TRAPPC9: variants seen among roughly 807,000 people sequenced by gnomAD.
TRAPPC9 encodes the protein trafficking protein particle complex subunit 9, also known as IKK2 binding protein.
In TRAPPC9, 83 loss-of-function variants were observed where a neutral mutation model predicts 124.0. That is an observed-to-expected ratio of 0.67 (90% CI 0.56 to 0.80). TRAPPC9 has a LOEUF of 0.80. Among genes scored for constraint, TRAPPC9 ranks in the 30% least tolerant of loss-of-function variants. The pLI, the probability that TRAPPC9 is intolerant of heterozygous loss-of-function variation, is 0.00. For missense variants in TRAPPC9, 1,302 were observed against 1,508.3 expected (o/e 0.86, Z 2.27); for synonymous variants, 638 against 617.5 (o/e 1.03, Z -0.49).
Position 140,165,446 on chromosome 8 carries a change from G to A in TRAPPC9, c.2556+56013C>T, listed in dbSNP as rs1222352189. Among the ~76,000 whole-genome samples, 4 of 151,568 alleles carry A rather than the reference G, an allele frequency of 2.6e-5. No homozygotes were observed. In the South Asian group the frequency reaches 8.4e-4, roughly 32 times the overall value. On this transcript the variant is annotated intron_variant, in intron 17 of 22. Coordinates refer to ENST00000438773, the MANE Select transcript of TRAPPC9 (RefSeq NM_001160372.4). ...CCCAGCTACTCGGGAGGTTGAGGCA[G>A]GAGAATCACTTGAACCTGGGAGATG... is the stretch of plus-strand genomic sequence containing the variant.
At chr8:140,287,811 A>G in intron 12 of TRAPPC9, 77 bp from the exon 13 acceptor site, 2 of 1,591,900 alleles carry the variant, frequency 1.3e-6, no homozygotes, top group South Asian at 1.1e-5. Flanking sequence ...GCCTTAAGAC[A>G]TTGGCTATGG....
At chr8:139,866,287 C>A (rs1828532221) in intron 21 of TRAPPC9, among the ~76,000 whole-genome samples, 1 of 152,202 alleles carries the variant, frequency 6.6e-6, no homozygotes, top group Admixed American at 6.5e-5. Context: ...ATGGCCTGAA[C>A]CTGTCTCTCA....
At chr8:139,798,220 T>A (rs1823238366) in intron 21 of TRAPPC9, among the ~76,000 whole-genome samples, 2 of 152,266 alleles carry the variant, frequency 1.3e-5, no homozygotes, top group African/African-American at 4.8e-5. Flanking sequence ...CATGCTATGC[T>A]CTTTTTATGT....
At chr8:139,964,680 T>C (rs965763682) in intron 19 of TRAPPC9, among the ~76,000 whole-genome samples, 1 of 140,894 alleles carries the variant, frequency 7.1e-6, no homozygotes, top group African/African-American at 2.9e-5. Flanking sequence ...ATCTCCAAGA[T>C]GATAAAGCCT....
At chr8:139,781,570 CA>C (rs1478634792) in intron 21 of TRAPPC9, among the ~76,000 whole-genome samples, 5 of 152,196 alleles carry the variant, frequency 3.3e-5, no homozygotes, top group African/African-American at 1.2e-4. Context: ...GACATTTATT[CA>C]AACGCATAGA....
chr8:140,124,730 C>G (rs55692543), intron 17 of TRAPPC9, among the ~76,000 whole-genome samples: 35,427 of 151,996 alleles, frequency 0.23, 4,561 homozygotes, highest in Admixed American at 0.33. Context: ...AGGGGAGGAC[C>G]AAAATCACTC....
chr8:139,844,408 A>G, intron 21 of TRAPPC9, among the ~76,000 whole-genome samples: 1 of 152,196 alleles, frequency 6.6e-6, no homozygotes, highest in Non-Finnish European at 1.5e-5. Context: ...ATGTCACAGG[A>G]TGAGAGAGAA....
intron 21 of TRAPPC9, among the ~76,000 whole-genome samples, chr8:139,810,027 G>A (rs904025975): frequency 1.3e-5 from 2 of 152,316 alleles, no homozygotes; most frequent in South Asian, 4.1e-4. Flanking sequence ...ACATACAGGT[G>A]GGGGGAGATT....
chr8:140,178,403 G>C (rs2062119591), intron 17 of TRAPPC9, among the ~76,000 whole-genome samples: 1 of 152,176 alleles, frequency 6.6e-6, no homozygotes, highest in African/African-American at 2.4e-5. Context: ...GAATGACACT[G>C]ATTGAAATTT....
chr8:140,276,492 A>T (rs2065126314), intron 14 of TRAPPC9, among the ~76,000 whole-genome samples: 1 of 152,152 alleles, frequency 6.6e-6, no homozygotes, highest in Non-Finnish European at 1.5e-5. Flanking sequence ...TGAACGTGCA[A>T]CACAGAAGCC....
intron 12 of TRAPPC9, among the ~76,000 whole-genome samples, chr8:140,288,827 C>T (rs956594767): frequency 2.0e-5 from 3 of 152,176 alleles, no homozygotes; most frequent in African/African-American, 7.2e-5. Flanking sequence ...GGTTTCATAA[C>T]AGTTACAGAA....
In TRAPPC9 at chr8:140,021,982, G is replaced by A. The variant is rs562342408; in HGVS notation, c.2699+1955C>T. ...TCCCAGCAATGGCGAGGAGCAAAGC[G>A]CCCTTTACACGAAGTATGGGACTGG... On this transcript the variant is annotated intron_variant, in intron 18 of 22. Coordinates refer to ENST00000438773, the MANE Select transcript of TRAPPC9 (RefSeq NM_001160372.4). Among the ~76,000 whole-genome samples, 73 of 152,340 alleles carry A rather than the reference G, an allele frequency of 4.8e-4. 2 individuals carry two copies. The South Asian group carries it at 0.014, about 29-fold the overall frequency.
intron 17 of TRAPPC9, among the ~76,000 whole-genome samples, chr8:140,162,106 C>T (rs2061761391): frequency 1.3e-5 from 2 of 152,176 alleles, no homozygotes; most frequent in Non-Finnish European, 2.9e-5. Context: ...CGGCTTACCA[C>T]TCTATTTCTG....
At chr8:140,272,375 G>A (rs1226757171) in intron 15 of TRAPPC9, among the ~76,000 whole-genome samples, 3 of 104,574 alleles carry the variant, frequency 2.9e-5, no homozygotes, top group South Asian at 2.6e-4. Context: ...AGTGAGGGTG[G>A]TGGTGATGAT....
chr8:139,842,968 C>CA (rs1379951906), intron 21 of TRAPPC9, among the ~76,000 whole-genome samples: 1 of 152,242 alleles, frequency 6.6e-6, no homozygotes, highest in Non-Finnish European at 1.5e-5. Context: ...GCAGGCTGGG[C>CA]ATACCTTGCC....
At chr8:140,433,331 G>C (rs995263868) in intron 4 of TRAPPC9, among the ~76,000 whole-genome samples, 1 of 151,986 alleles carries the variant, frequency 6.6e-6, no homozygotes, top group African/African-American at 2.4e-5. Flanking sequence ...GCTCACACCT[G>C]TAATCCCAAC....
Position 140,457,743 on chromosome 8 carries a change from C to T in TRAPPC9, c.-115G>A, listed in dbSNP as rs895192899. On this transcript the variant is annotated 5_prime_UTR_variant, in exon 1 of 23. Coordinates refer to ENST00000438773, the MANE Select transcript of TRAPPC9 (RefSeq NM_001160372.4). ...CCAGGCTCTGGGCTGGCGCTTCCTA[C>T]TGGCGGCCGAGCCGGCGCTGCTCCT... The T allele has an allele frequency of 2.0e-5, 20 of 993,978 alleles. No homozygotes were observed. Among genetic ancestry groups the T allele is most frequent in the Non-Finnish European group, 1.9e-5 (16 of 835,148 alleles). The allele number at this position is 993,978 out of a possible 1,614,324, so 61.6% of individuals were successfully genotyped here.
intron 17 of TRAPPC9, among the ~76,000 whole-genome samples, chr8:140,025,673 G>A (rs923822771): frequency 6.6e-6 from 1 of 152,098 alleles, no homozygotes; most frequent in African/African-American, 2.4e-5. Context: ...GTGCAGATTT[G>A]ATGAGGAAAT....
At chr8:140,382,344 C>T (rs1273803282) in intron 7 of TRAPPC9, among the ~76,000 whole-genome samples, 4 of 152,178 alleles carry the variant, frequency 2.6e-5, no homozygotes, top group East Asian at 1.9e-4. Flanking sequence ...GATGAGGCAT[C>T]GCCTCACCCA....
Sources: allele counts gnomAD v4.1 joint callset (sites outside exome capture counted in the v4.1 genomes callset), GRCh38; gene constraint gnomAD v4.1.1; transcripts MANE v1.5; gene names NCBI Gene and HGNC (gene_info 2026-07-23, HGNC 2026-07-21).